The following CLEC16A variants were observed in gnomAD, a reference collection of about 807,000 sequenced individuals.
CLEC16A encodes C-type lectin domain containing 16A, also known as protein CLEC16A.
Under a neutral mutation model 109.5 loss-of-function variants are expected in CLEC16A, and 51 were observed. The ratio of observed to expected loss-of-function variants is 0.47; its 90% CI spans 0.37 to 0.59. The LOEUF is 0.59. Among genes scored for constraint, CLEC16A ranks in the 20% least tolerant of loss-of-function variants. The pLI, the probability that CLEC16A is intolerant of heterozygous loss-of-function variation, is 0.00. For synonymous variants in CLEC16A, 673 were observed against 564.2 expected (o/e 1.19, Z -2.73); for missense variants, 1,339 against 1,394.0 (o/e 0.96, Z 0.63).
At chr16:10,956,341 G>A (rs776674036) in intron 1 of CLEC16A, among the ~76,000 whole-genome samples, 1 of 152,100 alleles carries the variant, frequency 6.6e-6, no homozygotes, top group Admixed American at 6.6e-5. Context: ...TCATCTTCAG[G>A]CTGCTTCCTC....
chr16:10,990,874 G>T (rs2043965146), intron 10 of CLEC16A, among the ~76,000 whole-genome samples: 2 of 152,186 alleles, frequency 1.3e-5, no homozygotes, highest in Non-Finnish European at 2.9e-5. Flanking sequence ...GTCCCCTGTG[G>T]CATTGTTAGT....
chr16:11,110,044 A>T (rs1238162854), intron 19 of CLEC16A, among the ~76,000 whole-genome samples: 1 of 152,136 alleles, frequency 6.6e-6, no homozygotes, highest in Non-Finnish European at 1.5e-5. Flanking sequence ...AATACAGCAA[A>T]AGTCAGTCAG....
chr16:11,105,551 C>A lies in CLEC16A; in HGVS notation c.2117-15064C>A, dbSNP rs193125206. Among the ~76,000 whole-genome samples the A allele has an allele frequency of 4.1e-3, 624 of 152,294 alleles. 2 individuals are homozygous for A. The highest frequency in any genetic ancestry group is 0.014 in the African/African-American group (591 of 41,566). ...TGGTTTTCCTGGCCACTGTGAAAAC[C>A]AGTCACCTCATTTTACTAGACATGG... is the stretch of plus-strand genomic sequence containing the variant. On this transcript the variant is annotated intron_variant, in intron 19 of 23. Coordinates refer to ENST00000409790, the MANE Select transcript of CLEC16A (RefSeq NM_015226.3).
chr16:11,130,465 C>G (rs1360238833), intron 22 of CLEC16A, among the ~76,000 whole-genome samples: 2 of 152,200 alleles, frequency 1.3e-5, no homozygotes, highest in Non-Finnish European at 2.9e-5. Context: ...AGATGTGTGT[C>G]CAAGGACCAT....
At chr16:11,003,032 TA>T (rs1180323369) in intron 10 of CLEC16A, 41 bp from the exon 11 acceptor site, 17 of 1,509,556 alleles carry the variant, frequency 1.1e-5, no homozygotes, top group Non-Finnish European at 1.5e-5. Context: ...AGCAGGATTC[TA>T]GTGTTCAAAT....
chr16:10,966,078 A>G (rs186174793), intron 3 of CLEC16A, among the ~76,000 whole-genome samples: 3 of 152,336 alleles, frequency 2.0e-5, no homozygotes, highest in Admixed American at 1.3e-4. Flanking sequence ...CCAGAATGAC[A>G]CAGAAAGAAA....
chr16:11,110,683 C>T (rs757794731), intron 19 of CLEC16A, among the ~76,000 whole-genome samples: 1 of 152,172 alleles, frequency 6.6e-6, no homozygotes, highest in African/African-American at 2.4e-5. Context: ...ACCACCATAG[C>T]TTGCCTCTGT....
intron 9 of CLEC16A, among the ~76,000 whole-genome samples, chr16:10,980,929 T>G (rs777511609): frequency 6.6e-6 from 1 of 152,162 alleles, no homozygotes; most frequent in Non-Finnish European, 1.5e-5. Flanking sequence ...CCATGAAAAT[T>G]TTTATGGATG....
intron 23 of CLEC16A, among the ~76,000 whole-genome samples, chr16:11,170,146 G>T (rs753490649): frequency 6.6e-6 from 1 of 152,178 alleles, no homozygotes; most frequent in African/African-American, 2.4e-5. Flanking sequence ...CCCGGGCCCC[G>T]ATCTGGATCC....
chr16:11,099,514 G>A (rs1404326434), intron 19 of CLEC16A, among the ~76,000 whole-genome samples: 1 of 152,276 alleles, frequency 6.6e-6, no homozygotes, highest in Non-Finnish European at 1.5e-5. Context: ...GTACTAGACA[G>A]CATGGTCGTA....
intron 18 of CLEC16A, among the ~76,000 whole-genome samples, chr16:11,054,166 A>G (rs1048377386): frequency 6.6e-6 from 1 of 152,192 alleles, no homozygotes; most frequent in African/African-American, 2.4e-5. Context: ...CTTGGCTGTC[A>G]CCTCTTAACA....
chr16:11,144,594 C>T (rs2053976946), intron 22 of CLEC16A, among the ~76,000 whole-genome samples: 1 of 152,234 alleles, frequency 6.6e-6, no homozygotes, highest in South Asian at 2.1e-4. Context: ...TCTTCCCCAG[C>T]TTGAGGCCCA....
intron 7 of CLEC16A, 68 bp downstream of exon 7, chr16:10,973,129 A>G: frequency 6.6e-7 from 1 of 1,514,416 alleles, no homozygotes; most frequent in East Asian, 2.5e-5. Context: ...TGTTTTCATC[A>G]AGGAAAAATA....
At chr16:11,128,325 G>T (rs2052969924) in intron 22 of CLEC16A, among the ~76,000 whole-genome samples, 1 of 152,232 alleles carries the variant, frequency 6.6e-6, no homozygotes, top group African/African-American at 2.4e-5. Flanking sequence ...CCACCGGTGG[G>T]TGAGAACATC....
chr16:11,067,210 TA>T (rs1234729334), intron 19 of CLEC16A, among the ~76,000 whole-genome samples: 535 of 77,630 alleles, frequency 6.9e-3, no homozygotes, highest in Middle Eastern at 0.019. Context: ...TTTTTTTTTT[TA>T]AAAAAAGCAA....
At chr16:11,068,729 C>G (rs1437561065) in intron 19 of CLEC16A, among the ~76,000 whole-genome samples, 1 of 152,254 alleles carries the variant, frequency 6.6e-6, no homozygotes, top group Non-Finnish European at 1.5e-5. Context: ...CCGCAAAATA[C>G]AGTCAGCCCT....
intron 22 of CLEC16A, among the ~76,000 whole-genome samples, chr16:11,135,130 C>G (rs1028961507): frequency 6.6e-6 from 1 of 152,192 alleles, no homozygotes; most frequent in Non-Finnish European, 1.5e-5. Context: ...GGATTTGAGC[C>G]CCTTTCAAAG....
At chr16:11,081,059 TGAG>T (rs2049685486) in intron 19 of CLEC16A, among the ~76,000 whole-genome samples, 1 of 152,132 alleles carries the variant, frequency 6.6e-6, no homozygotes, top group Non-Finnish European at 1.5e-5. Context: ...ACGCTGCAAT[TGAG>T]GAAGCCTGGA....
At chr16:11,159,741 C>T (rs2054654472) in intron 22 of CLEC16A, among the ~76,000 whole-genome samples, 1 of 151,388 alleles carries the variant, frequency 6.6e-6, no homozygotes, top group African/African-American at 2.4e-5. Context: ...GTGGTCTTAG[C>T]TCCTAGGAAG....
Sources: allele counts gnomAD v4.1 joint callset (sites outside exome capture counted in the v4.1 genomes callset), GRCh38; gene constraint gnomAD v4.1.1; transcripts MANE v1.5; gene names NCBI Gene and HGNC (gene_info 2026-07-23, HGNC 2026-07-21).